Variants in CLDN10 observed in about 807,000 individuals in gnomAD.
CLDN10 encodes the protein claudin-10.
In CLDN10, 15 loss-of-function variants were observed where a neutral mutation model predicts 22.9. The observed-to-expected ratio is 0.65, with a 90% CI of 0.44 to 1.01. The LOEUF (loss-of-function observed/expected upper bound fraction) is 1.01, where lower values mean the gene tolerates loss of function less well. Among genes scored for constraint, CLDN10 ranks in the 50% least tolerant of loss-of-function variants. The pLI is 0.00. For missense variants in CLDN10, 247 were observed against 287.8 expected (o/e 0.86, Z 1.03); for synonymous variants, 114 against 111.4 (o/e 1.02, Z -0.15).
chr13:95,496,098 C>T lies in CLDN10; in HGVS notation c.214+62051C>T, dbSNP rs114628068. 6.1e-3 allele frequency among the ~76,000 whole-genome samples: 930 copies of T among 152,304 alleles called. 12 individuals are homozygous for T. Among genetic ancestry groups the T allele is most frequent in the African/African-American group, 0.022 (894 of 41,562 alleles). ...AATGGCACTTCCCACATGTTGGATA[C>T]GGCCCTTTGCCCTTTCTCAGGCTGT... On this transcript the variant is annotated intron_variant, in intron 1 of 4. Coordinates refer to the CLDN10 transcript ENST00000376873.
intron 1 of CLDN10, among the ~76,000 whole-genome samples, chr13:95,442,028 A>G (rs2042329207): frequency 6.6e-6 from 1 of 152,140 alleles, no homozygotes; most frequent in African/African-American, 2.4e-5. Context: ...GTGGGCACCT[A>G]TAGTCCCAGC....
At position 95,491,010 on chromosome 13, in the gene CLDN10, C is replaced by A. The variant is rs148410607; in HGVS notation, c.214+56963C>A. Reference sequence around the variant, plus strand: ...AACAAGGTCTTTTTACCATTAATGTCCCTCTTTGTCTCTTCTAACTGCTAT... The same window carrying A: ...AACAAGGTCTTTTTACCATTAATGTACCTCTTTGTCTCTTCTAACTGCTAT... On this transcript the variant is annotated intron_variant, in intron 1 of 4. Coordinates refer to the CLDN10 transcript ENST00000376873. 6.1e-3 allele frequency among the ~76,000 whole-genome samples: 926 copies of A among 152,260 alleles called. 12 individuals carry two copies. Among genetic ancestry groups the A allele is most frequent in the African/African-American group, 0.021 (893 of 41,550 alleles).
chr13:95,491,979 G>T (rs557055067), intron 1 of CLDN10, among the ~76,000 whole-genome samples: 2 of 152,302 alleles, frequency 1.3e-5, no homozygotes, highest in African/African-American at 2.4e-5. Context: ...CTCCAGGCTG[G>T]TACTGGAGGT....
intron 1 of CLDN10, among the ~76,000 whole-genome samples, chr13:95,500,754 T>C (rs9524986): frequency 0.42 from 64,118 of 151,950 alleles, 14,813 homozygotes; most frequent in Non-Finnish European, 0.51. Context: ...AAGAAGCTAA[T>C]GAAGGGATTT....
chr13:95,442,512 G>A (rs1287404270), intron 1 of CLDN10, among the ~76,000 whole-genome samples: 1 of 152,184 alleles, frequency 6.6e-6, no homozygotes, highest in South Asian at 2.1e-4. Flanking sequence ...CTTGCATTTC[G>A]ATGTCAGTTA....
At chr13:95,476,581 T>G (rs952553405) in intron 1 of CLDN10, among the ~76,000 whole-genome samples, 1 of 152,144 alleles carries the variant, frequency 6.6e-6, no homozygotes, top group Admixed American at 6.5e-5. Flanking sequence ...ACACAGATAT[T>G]CAGACCATAG....
chr13:95,528,973 T>G (rs777116664), intron 1 of CLDN10, among the ~76,000 whole-genome samples: 2 of 152,190 alleles, frequency 1.3e-5, no homozygotes, highest in African/African-American at 4.8e-5. Flanking sequence ...GACACATAAC[T>G]GAGTGATGGC....
At chr13:95,453,464 C>T (rs901394737) in intron 1 of CLDN10, among the ~76,000 whole-genome samples, 6 of 152,088 alleles carry the variant, frequency 3.9e-5, no homozygotes, top group African/African-American at 1.4e-4. Context: ...AGGTGGATCA[C>T]CTGAAGTCAG....
chr13:95,500,331 G>A (rs76322659), intron 1 of CLDN10, among the ~76,000 whole-genome samples: 11,765 of 152,216 alleles, frequency 0.077, 486 homozygotes, highest in Non-Finnish European at 0.086. Context: ...GCATCTCTGG[G>A]AAGTACCTAT....
intron 1 of CLDN10, among the ~76,000 whole-genome samples, chr13:95,512,132 G>GTTTT (rs1408615781): frequency 9.8e-5 from 1 of 10,254 alleles, no homozygotes; most frequent in African/African-American, 2.2e-4. Flanking sequence ...TTTTTTTTTG[G>GTTTT]TTTTTGTTTG....
chr13:95,554,686 A>G (rs181708716), intron 1 of CLDN10, among the ~76,000 whole-genome samples: 49 of 152,326 alleles, frequency 3.2e-4, no homozygotes, highest in Admixed American at 3.1e-3. Context: ...CTGTTGTACA[A>G]CACTTTAAAA....
upstream of CLDN10, among the ~76,000 whole-genome samples, chr13:95,551,415 C>T (rs2043564951): frequency 6.6e-6 from 1 of 152,100 alleles, no homozygotes; most frequent in South Asian, 2.1e-4. Flanking sequence ...GGAGCGTGTC[C>T]TGCTGGTCTA....
At chr13:95,485,275 G>A (rs2042793900) in intron 1 of CLDN10, among the ~76,000 whole-genome samples, 2 of 151,834 alleles carry the variant, frequency 1.3e-5, no homozygotes, top group East Asian at 1.9e-4. Context: ...CTAGCACTGC[G>A]CCTGGTCCCT....
chr13:95,486,999 G>A (rs919229538), intron 1 of CLDN10, among the ~76,000 whole-genome samples: 42 of 152,160 alleles, frequency 2.8e-4, no homozygotes, highest in Admixed American at 6.5e-5. Context: ...CTGTGCTATC[G>A]TCTTTGTGTT....
At chr13:95,540,339 AATAT>A (rs2043446941) in intron 1 of CLDN10, among the ~76,000 whole-genome samples, 2 of 112,414 alleles carry the variant, frequency 1.8e-5, no homozygotes, top group Non-Finnish European at 3.9e-5. Context: ...TAAATAAATA[AATAT>A]TAGCCTGGCA....
At chr13:95,452,894 A>T (rs1043596209) in intron 1 of CLDN10, among the ~76,000 whole-genome samples, 2 of 152,170 alleles carry the variant, frequency 1.3e-5, no homozygotes, top group African/African-American at 4.8e-5. Context: ...TCCTGTCAGG[A>T]CTTTCTGTTA....
At chr13:95,479,210 G>T (rs542968807) in intron 1 of CLDN10, among the ~76,000 whole-genome samples, 3 of 152,302 alleles carry the variant, frequency 2.0e-5, no homozygotes, top group African/African-American at 7.2e-5. Context: ...TTAGCCGGGT[G>T]TGGTGGCGGG....
chr13:95,442,064 T>A (rs867604981), intron 1 of CLDN10, among the ~76,000 whole-genome samples: 1 of 152,100 alleles, frequency 6.6e-6, no homozygotes. Context: ...GGTGGAAGGA[T>A]CACCTGAGCC....
chr13:95,497,914 G>A (rs1025528109), intron 1 of CLDN10, among the ~76,000 whole-genome samples: 49 of 152,086 alleles, frequency 3.2e-4, no homozygotes, highest in African/African-American at 1.1e-3. Context: ...TGAACTTAAA[G>A]GTTTAGGACA....
Sources: gnomAD v4.1 joint callset for allele counts (sites outside exome capture counted in the v4.1 genomes callset) on GRCh38, gnomAD v4.1.1 for gene constraint, MANE v1.5 for transcripts, NCBI Gene and HGNC (gene_info 2026-07-23, HGNC 2026-07-21) for gene names.